Variants in LMO1 observed in about 807,000 individuals in gnomAD.
The protein encoded by LMO1 is rhombotin-1.
In LMO1, 10 loss-of-function variants were observed where a neutral mutation model predicts 18.0. That is an observed-to-expected ratio of 0.55 (90% CI 0.34 to 0.94). The LOEUF (loss-of-function observed/expected upper bound fraction) is 0.94, where lower values mean the gene tolerates loss of function less well. Ranked by LOEUF, LMO1 falls within the 40% of genes least tolerant of loss-of-function variation. The probability of loss-of-function intolerance (pLI) is 0.02; values close to 1 mark genes in which losing one functional copy is unlikely to be tolerated. For synonymous variants in LMO1, 77 were observed against 77.9 expected (o/e 0.99, Z 0.06); for missense variants, 183 against 205.7 (o/e 0.89, Z 0.68).
intron 1 of LMO1, among the ~76,000 whole-genome samples, chr11:8,259,872 G>A (rs1017392506): frequency 3.9e-5 from 6 of 152,206 alleles, no homozygotes; most frequent in African/African-American, 1.4e-4. Context: ...AGACTCCGCT[G>A]TCTGGTCCTC....
At chr11:8,231,875 C>T (rs1352884376) in intron 1 of LMO1, among the ~76,000 whole-genome samples, 1 of 152,096 alleles carries the variant, frequency 6.6e-6, no homozygotes, top group East Asian at 1.9e-4. Context: ...CCTCCTTGGG[C>T]GTTAGGGGAG....
intron 1 of LMO1, among the ~76,000 whole-genome samples, chr11:8,261,530 G>T (rs925767882): frequency 6.6e-6 from 1 of 152,204 alleles, no homozygotes; most frequent in South Asian, 2.1e-4. Context: ...GGCCTCTCAC[G>T]TACAGAGCCC....
chr11:8,262,505 T>C (rs1847202790), intron 1 of LMO1, among the ~76,000 whole-genome samples: 4 of 152,036 alleles, frequency 2.6e-5, no homozygotes. Context: ...GGCTTTGGGG[T>C]CTATGGGACC....
At chr11:8,225,211 A>T (rs1333861302) in intron 3 of LMO1, among the ~76,000 whole-genome samples, 2 of 151,916 alleles carry the variant, frequency 1.3e-5, no homozygotes, top group African/African-American at 4.8e-5. Flanking sequence ...CAGGAGTTTA[A>T]GACCAGCCTG....
At chr11:8,246,887 C>T (rs1425781390) in intron 1 of LMO1, among the ~76,000 whole-genome samples, 1 of 152,168 alleles carries the variant, frequency 6.6e-6, no homozygotes, top group Non-Finnish European at 1.5e-5. Flanking sequence ...AGGCCCTGGT[C>T]ACCTCATCCC....
intron 3 of LMO1, among the ~76,000 whole-genome samples, chr11:8,225,508 G>T (rs576773666): frequency 1.6e-3 from 244 of 151,504 alleles, no homozygotes; most frequent in African/African-American, 5.7e-3. Context: ...AATTTAAGAG[G>T]ATGGCTCAGT....
intron 1 of LMO1, among the ~76,000 whole-genome samples, chr11:8,242,412 G>C (rs537094543): frequency 1.3e-5 from 2 of 152,278 alleles, no homozygotes; most frequent in Non-Finnish European, 2.9e-5. Context: ...CTGCCTGAGG[G>C]TCTTTTTGGC....
At chr11:8,261,431 G>A (rs1034029180) in intron 1 of LMO1, among the ~76,000 whole-genome samples, 1 of 152,212 alleles carries the variant, frequency 6.6e-6, no homozygotes, top group Non-Finnish European at 1.5e-5. Flanking sequence ...CAGAGCCAGA[G>A]GCATCATGTG....
At chr11:8,262,567 G>A (rs182148898) in intron 1 of LMO1, among the ~76,000 whole-genome samples, 1 of 152,274 alleles carries the variant, frequency 6.6e-6, no homozygotes, top group Non-Finnish European at 1.5e-5. Context: ...GACCTTTCCC[G>A]TGCCCTGCAG....
intron 1 of LMO1, among the ~76,000 whole-genome samples, chr11:8,253,332 G>A (rs1453356258): frequency 6.6e-6 from 1 of 152,218 alleles, no homozygotes; most frequent in African/African-American, 2.4e-5. Context: ...ACCCCAGGGA[G>A]GACAGAGAAA....
chr11:8,251,551 G>A (rs1048248561), intron 1 of LMO1, among the ~76,000 whole-genome samples: 1 of 152,214 alleles, frequency 6.6e-6, no homozygotes, highest in African/African-American at 2.4e-5. Context: ...TGAGAAGAGA[G>A]GCCCTGGGGT....
chr11:8,266,352 C>G (rs759463965), upstream of LMO1, among the ~76,000 whole-genome samples: 10 of 151,790 alleles, frequency 6.6e-5, no homozygotes, highest in Non-Finnish European at 1.5e-4. Context: ...GTAACTCCCA[C>G]CCCCATACTC....
In LMO1 at chr11:8,224,586, C is replaced by G; in HGVS notation, c.*30G>C. 1 of 1,428,840 alleles carries G rather than the reference C, an allele frequency of 7.0e-7. No homozygotes were observed. The highest frequency in any genetic ancestry group is 9.7e-7 in the Non-Finnish European group (1 of 1,033,530). 88.5% of individuals were successfully genotyped at this position (1,428,840 alleles called of 1,614,324 possible). On this transcript the variant is annotated 3_prime_UTR_variant, in exon 4 of 4. Coordinates refer to ENST00000335790, the MANE Select transcript of LMO1 (RefSeq NM_002315.3). ...GCAGGTGGGCAGGCGGGCAGATGGA[C>G]AGACGGGCCTGGAGGCCAGGCGCCG...
intron 1 of LMO1, among the ~76,000 whole-genome samples, chr11:8,233,213 C>T (rs913860156): frequency 2.0e-5 from 3 of 152,128 alleles, no homozygotes; most frequent in African/African-American, 7.2e-5. Context: ...ACATGGAACA[C>T]CAGGGTCAGC....
chr11:8,233,545 G>T (rs1365274696), intron 1 of LMO1, among the ~76,000 whole-genome samples: 1 of 152,168 alleles, frequency 6.6e-6, no homozygotes, highest in Non-Finnish European at 1.5e-5. Context: ...TGCTGTGTCT[G>T]CTCTCACCGG....
At chr11:8,261,349 A>C (rs773422983) in intron 1 of LMO1, among the ~76,000 whole-genome samples, 2 of 152,218 alleles carry the variant, frequency 1.3e-5, no homozygotes, top group African/African-American at 2.4e-5. Flanking sequence ...ATTTGGAGGC[A>C]GGGAGCTGGC....
At chr11:8,242,602 G>A (rs442264) in intron 1 of LMO1, among the ~76,000 whole-genome samples, 68,676 of 152,052 alleles carry the variant, frequency 0.45, 16,868 homozygotes, top group East Asian at 0.86. Context: ...GTTCCTTAAC[G>A]GGATGCCGCT....
Position 8,263,423 on chromosome 11 carries a change from G to C in LMO1, c.-61C>G. 6.3e-7 allele frequency: 1 copy of C among 1,587,386 alleles called. No homozygotes were observed. Among genetic ancestry groups the C allele is most frequent in the South Asian group, 1.1e-5 (1 of 88,370 alleles). On this transcript the variant is annotated 5_prime_UTR_variant, in exon 1 of 4. Coordinates refer to ENST00000335790, the MANE Select transcript of LMO1 (RefSeq NM_002315.3). ...GCCGGGAGAAGGGCGCCGACTCGGG[G>C]CGCGCTTTGGAGGGGCGGCCGGTCT...
chr11:8,224,745 G>C (rs1198742573), intron 3 of LMO1, 24 bp from the exon 4 acceptor site: 1 of 1,492,508 alleles, frequency 6.7e-7, no homozygotes. Flanking sequence ...GCGAGAGAGA[G>C]AAGCCATGGG....
Sources: gnomAD v4.1 joint callset for allele counts (sites outside exome capture counted in the v4.1 genomes callset) on GRCh38, gnomAD v4.1.1 for gene constraint, MANE v1.5 for transcripts, NCBI Gene and HGNC (gene_info 2026-07-23, HGNC 2026-07-21) for gene names.